The following LAMC1 variants were observed in gnomAD, a reference collection of about 807,000 sequenced individuals.
LAMC1 encodes laminin subunit gamma-1.
A neutral mutation model predicts 173.6 loss-of-function variants in LAMC1; 38 were observed. The ratio of observed to expected loss-of-function variants is 0.22; its 90% CI spans 0.17 to 0.29. LAMC1 has a LOEUF of 0.29. Ranked by LOEUF, LAMC1 falls within the 10% of genes least tolerant of loss-of-function variation. The pLI is 1.00. For synonymous variants in LAMC1, 746 were observed against 749.1 expected, an observed-to-expected ratio of 1.00 and a Z score of 0.07; for missense variants, 1,824 against 2,051.8, an observed-to-expected ratio of 0.89 and a Z score of 2.14.
chr1:183,097,987 G>A (rs1655737869), intron 1 of LAMC1, among the ~76,000 whole-genome samples: 1 of 151,102 alleles, frequency 6.6e-6, no homozygotes, highest in African/African-American at 2.5e-5. Flanking sequence ...TGTTCTGGTT[G>A]AATAGTTGCT....
Position 183,134,732 on chromosome 1 carries a change from G to C in LAMC1, c.3922G>C (p.Glu1308Gln). 1.2e-6 allele frequency: 2 copies of C among 1,612,984 alleles called. No homozygotes were observed. Among genetic ancestry groups the C allele is most frequent in the Non-Finnish European group, 1.7e-6 (2 of 1,178,966 alleles). Residue 1308 changes from glutamate (E) to glutamine (Q), a missense_variant, in exon 23 of 28, where the codon GAG becomes CAG. Physicochemically the swap from Glu to Gln is conservative, Grantham distance 29 (BLOSUM62 2). Transcript: ENST00000258341. Reference sequence around the variant, plus strand: ...GATTGACCAGAAATTAAAAGATTATGAGGACCTCAGAGAAGATATGAGAGG... The same window carrying C: ...GATTGACCAGAAATTAAAAGATTATCAGGACCTCAGAGAAGATATGAGAGG... Reference protein sequence around the residue: ...QLIDQKLKDYEDLREDMRGKE... With the variant: ...QLIDQKLKDYQDLREDMRGKE...
chr1:183,116,993 T>G, intron 8 of LAMC1, 90 bp downstream of exon 8: 1 of 1,285,922 alleles, frequency 7.8e-7, no homozygotes, highest in Non-Finnish European at 1.1e-6. Flanking sequence ...CTTTGAGGGC[T>G]TTTTGATGGT....
At chr1:183,133,590 TC>T (rs964739496) in intron 22 of LAMC1, 40 bp downstream of exon 22, 1 of 1,554,786 alleles carries the variant, frequency 6.4e-7, no homozygotes, top group Non-Finnish European at 8.7e-7. Context: ...ACCCCGTCTC[TC>T]CCCCAAGTCT....
chr1:183,110,809 C>T (rs1045595304), intron 4 of LAMC1, among the ~76,000 whole-genome samples, 155 bp downstream of exon 4: 1 of 152,154 alleles, frequency 6.6e-6, no homozygotes. Flanking sequence ...AGAGGAAAGT[C>T]ATAGATGAGG....
chr1:183,051,723 CT>C (rs1408445215), intron 1 of LAMC1, among the ~76,000 whole-genome samples: 1 of 152,196 alleles, frequency 6.6e-6, no homozygotes, highest in Non-Finnish European at 1.5e-5. Flanking sequence ...GGAAGTTACA[CT>C]TTTCTTTGGC....
In LAMC1 at chr1:183,135,147, A is replaced by C. The variant is rs1261289216; in HGVS notation, c.4105A>C (p.Asn1369His). The C allele has an allele frequency of 1.2e-6, 2 of 1,608,498 alleles. No individual in the cohort carries two copies. The highest frequency in any genetic ancestry group is 1.1e-5 in the South Asian group (1 of 90,900). The change falls in exon 24 of 28, where the codon AAC becomes CAC. Residue 1369 changes from asparagine (N) to histidine (H), a missense_variant. Asn to His is a moderately conservative substitution (Grantham distance 68, BLOSUM62 1). Coordinates refer to ENST00000258341, the MANE Select transcript of LAMC1 (RefSeq NM_002293.4). The stretch of plus-strand genomic sequence containing the variant: ...ACAAGAAGCTAATGACATTCTCAAC[A>C]ACCTGAAAGGTAGAAAAGGCTGAGA... ...TLQEANDILNNLKDFDRRVND... is the reference protein window; with the variant it reads ...TLQEANDILNHLKDFDRRVND...
chr1:183,043,423 C>T lies in LAMC1; in HGVS notation c.418+19289C>T, dbSNP rs150764514. Among the ~76,000 whole-genome samples the T allele has an allele frequency of 3.5e-3, 525 of 152,160 alleles. 2 individuals carry two copies. The highest frequency in any genetic ancestry group is 6.1e-3 in the Admixed American group (93 of 15,286). On this transcript the variant is annotated intron_variant, in intron 1 of 27. Coordinates refer to ENST00000258341, the MANE Select transcript of LAMC1 (RefSeq NM_002293.4). ...TATGGACTTATATCACATTTGATTA[C>T]GTAAGTTATATCACTTTTACAGATA...
At chr1:183,127,869 AG>A (rs1656664106) in intron 17 of LAMC1, among the ~76,000 whole-genome samples, 2 of 152,190 alleles carry the variant, frequency 1.3e-5, no homozygotes, top group African/African-American at 4.8e-5. Flanking sequence ...CATAGTAAGA[AG>A]TTTAGATTTT....
chr1:183,114,786 T>G, intron 5 of LAMC1, 67 bp downstream of exon 5: 2 of 1,503,524 alleles, frequency 1.3e-6, no homozygotes, highest in East Asian at 4.5e-5. Context: ...AAGGAAAGCT[T>G]TGTTTCCAAG....
intron 3 of LAMC1, 36 bp from the exon 4 acceptor site, chr1:183,110,452 C>T (rs376561030): frequency 1.3e-6 from 2 of 1,545,116 alleles, no homozygotes; most frequent in Non-Finnish European, 1.8e-6. Context: ...GACTTTGCAG[C>T]TGTTCCATTT....
intron 1 of LAMC1, among the ~76,000 whole-genome samples, chr1:183,047,574 C>T (rs1270943935): frequency 1.3e-5 from 2 of 152,144 alleles, no homozygotes; most frequent in African/African-American, 4.8e-5. Context: ...AAAATGTTGT[C>T]TTGTAAAATG....
chr1:183,037,693 CAG>C (rs759550458), intron 1 of LAMC1, among the ~76,000 whole-genome samples: 27 of 152,242 alleles, frequency 1.8e-4, no homozygotes, highest in Non-Finnish European at 3.7e-4. Context: ...TTAGTTTCCC[CAG>C]AGTGTTGCCG....
chr1:183,129,587 TA>T (rs1656727050), intron 18 of LAMC1, among the ~76,000 whole-genome samples: 1 of 151,764 alleles, frequency 6.6e-6, no homozygotes, highest in African/African-American at 2.4e-5. Flanking sequence ...CCACATTCCT[TA>T]GAAAATTTAG....
chr1:183,081,649 G>A (rs1655280663), intron 1 of LAMC1, among the ~76,000 whole-genome samples: 1 of 152,086 alleles, frequency 6.6e-6, no homozygotes, highest in African/African-American at 2.4e-5. Flanking sequence ...AGTCAAAAGT[G>A]CAGAAGTCCC....
chr1:183,099,924 C>G (rs1410658639), intron 1 of LAMC1, among the ~76,000 whole-genome samples: 5 of 152,190 alleles, frequency 3.3e-5, no homozygotes, highest in Admixed American at 2.6e-4. Context: ...TGCCTCCAGT[C>G]CTGCCCACGC....
chr1:183,073,007 T>C (rs1390810441), intron 1 of LAMC1, among the ~76,000 whole-genome samples: 1 of 152,216 alleles, frequency 6.6e-6, no homozygotes, highest in Non-Finnish European at 1.5e-5. Context: ...GTAATAATAA[T>C]AGAAATAAAG....
intron 11 of LAMC1, among the ~76,000 whole-genome samples, chr1:183,120,289 C>A (rs553538573): frequency 6.6e-6 from 1 of 150,756 alleles, no homozygotes; most frequent in South Asian, 2.1e-4. Flanking sequence ...AGAAGTTTGG[C>A]TATAAGGAAA....
chr1:183,057,827 A>C (rs959534109), intron 1 of LAMC1, among the ~76,000 whole-genome samples: 1 of 152,150 alleles, frequency 6.6e-6, no homozygotes, highest in Non-Finnish European at 1.5e-5. Flanking sequence ...TATATGTCAT[A>C]TATATCATGC....
chr1:183,125,542 C>A lies in LAMC1; in HGVS notation c.2793C>A (p.Gly931=). 6.3e-7 allele frequency: 1 copy of A among 1,583,880 alleles called. No individual in the cohort carries two copies. Among genetic ancestry groups the A allele is most frequent in the Non-Finnish European group, 8.6e-7 (1 of 1,165,816 alleles). The change falls in exon 15 of 28, where the codon GGC becomes GGA. Residue 931 remains glycine, a synonymous_variant. Coordinates refer to ENST00000258341, the MANE Select transcript of LAMC1 (RefSeq NM_002293.4). Reference sequence around the variant, plus strand: ...TCTACAATCTGCAGAGTGGGCAAGGCTGTGAGAGGTGAGACATAGGTGCCT... The same window carrying A: ...TCTACAATCTGCAGAGTGGGCAAGGATGTGAGAGGTGAGACATAGGTGCCT... ...PGFYNLQSGQ[G]CERCDCHALG...
Sources: gnomAD v4.1 joint callset for allele counts (sites outside exome capture counted in the v4.1 genomes callset) on GRCh38, gnomAD v4.1.1 for gene constraint, MANE v1.5 for transcripts, NCBI Gene and HGNC (gene_info 2026-07-23, HGNC 2026-07-21) for gene names.